Variants in SGCZ observed in about 807,000 individuals in gnomAD.
SGCZ encodes the protein sarcoglycan zeta.
SGCZ carries 40 observed loss-of-function variants against 41.3 expected under a neutral mutation model. That is an observed-to-expected ratio of 0.97 (90% CI 0.75 to 1.26). SGCZ has a LOEUF of 1.26. SGCZ is among the 50% of genes most tolerant of loss of function. SGCZ has a pLI of 0.00. For synonymous variants in SGCZ, 206 were observed against 137.5 expected, an observed-to-expected ratio of 1.50 and a Z score of -3.49; for missense variants, 552 against 369.8, an observed-to-expected ratio of 1.49 and a Z score of -4.04.
chr8:14,408,251 G>A (rs1290376906), intron 2 of SGCZ, among the ~76,000 whole-genome samples: 2 of 152,106 alleles, frequency 1.3e-5, no homozygotes, highest in Non-Finnish European at 2.9e-5. Flanking sequence ...TGCAGTTTTG[G>A]TCTTTGCAGA....
At chr8:14,645,658 C>T (rs1214496880) in intron 1 of SGCZ, among the ~76,000 whole-genome samples, 1 of 151,016 alleles carries the variant, frequency 6.6e-6, no homozygotes, top group Non-Finnish European at 1.5e-5. Context: ...ACTATTATAC[C>T]CCATACGCAC....
At chr8:14,324,461 C>A (rs116669876) in intron 2 of SGCZ, among the ~76,000 whole-genome samples, 1 of 152,058 alleles carries the variant, frequency 6.6e-6, no homozygotes, top group East Asian at 1.9e-4. Flanking sequence ...GATTTGCCCA[C>A]GAATAAATCC....
At chr8:14,606,399 A>T (rs769104047) in intron 1 of SGCZ, among the ~76,000 whole-genome samples, 5 of 152,140 alleles carry the variant, frequency 3.3e-5, no homozygotes, top group Non-Finnish European at 5.9e-5. Flanking sequence ...CAACAACACA[A>T]AACTTGATCT....
chr8:14,157,407 A>C (rs1160810666), intron 5 of SGCZ, among the ~76,000 whole-genome samples: 1 of 149,874 alleles, frequency 6.7e-6, no homozygotes, highest in Non-Finnish European at 1.5e-5. Flanking sequence ...CTCAGCCCAT[A>C]GAAGCATCTC....
intron 1 of SGCZ, among the ~76,000 whole-genome samples, chr8:15,160,671 CCACTT>C (rs1389530878): frequency 5.9e-5 from 9 of 152,192 alleles, no homozygotes; most frequent in African/African-American, 2.2e-4. Flanking sequence ...GCAGACATCT[CCACTT>C]AAGTGTTCAG....
chr8:14,346,682 CATT>C lies in SGCZ; in HGVS notation c.235-22481_235-22479del, dbSNP rs1802901287. Among the ~76,000 whole-genome samples the C allele has an allele frequency of 2.0e-5, 3 of 152,014 alleles. No individual in the cohort carries two copies. The South Asian group carries it at 6.2e-4, about 31-fold the overall frequency. On this transcript the variant is annotated intron_variant, in intron 2 of 7. Coordinates refer to ENST00000382080, the MANE Select transcript of SGCZ (RefSeq NM_139167.4). ...ACAAAATAAAACTGAAGCTGTTTTA[CATT>C]ATAAGGGAAGAATAATTTGAGTTGA...
chr8:14,551,927 C>T (rs1452091686), intron 2 of SGCZ, among the ~76,000 whole-genome samples: 1 of 151,400 alleles, frequency 6.6e-6, no homozygotes, highest in Non-Finnish European at 1.5e-5. Flanking sequence ...GCTATCCTTG[C>T]TATGCTAAAA....
intron 1 of SGCZ, among the ~76,000 whole-genome samples, chr8:15,129,008 C>A (rs1305973487): frequency 6.6e-6 from 1 of 152,196 alleles, no homozygotes. Context: ...TTTTGCTCAA[C>A]TTTTGAGACC....
chr8:14,355,196 A>T (rs1803249882), intron 2 of SGCZ, among the ~76,000 whole-genome samples: 1 of 152,092 alleles, frequency 6.6e-6, no homozygotes, highest in Non-Finnish European at 1.5e-5. Context: ...GGCCACAAGC[A>T]GATGTTTCAT....
At chr8:15,190,703 T>C (rs1395653980) in intron 1 of SGCZ, among the ~76,000 whole-genome samples, 1 of 148,846 alleles carries the variant, frequency 6.7e-6, no homozygotes, top group Non-Finnish European at 1.5e-5. Flanking sequence ...GCGTGTGTCG[T>C]GGGGGATGGG....
At chr8:14,458,583 G>C (rs993713543) in intron 2 of SGCZ, among the ~76,000 whole-genome samples, 2 of 152,124 alleles carry the variant, frequency 1.3e-5, no homozygotes, top group Non-Finnish European at 2.9e-5. Flanking sequence ...ATGGACTCTT[G>C]GTTTTAAAAA....
intron 2 of SGCZ, among the ~76,000 whole-genome samples, chr8:14,541,442 C>A (rs1563397360): frequency 1.3e-5 from 2 of 152,082 alleles, no homozygotes; most frequent in Non-Finnish European, 2.9e-5. Context: ...CAGCTTCCAG[C>A]TTCACCCATG....
At chr8:14,092,491 G>A (rs543207605) in intron 7 of SGCZ, among the ~76,000 whole-genome samples, 1 of 151,996 alleles carries the variant, frequency 6.6e-6, no homozygotes, top group South Asian at 2.1e-4. Flanking sequence ...AGCTGATATG[G>A]TTTGGCTGTG....
chr8:14,991,402 G>A (rs1802010022), intron 1 of SGCZ, among the ~76,000 whole-genome samples: 1 of 152,146 alleles, frequency 6.6e-6, no homozygotes, highest in Admixed American at 6.5e-5. Context: ...AACAAAATCT[G>A]CAAATGATGT....
At chr8:14,841,694 G>T (rs773629112) in intron 1 of SGCZ, among the ~76,000 whole-genome samples, 2 of 152,268 alleles carry the variant, frequency 1.3e-5, no homozygotes, top group East Asian at 1.9e-4. Context: ...CATACTAAAT[G>T]GAATTACTGT....
intron 3 of SGCZ, among the ~76,000 whole-genome samples, chr8:14,246,939 T>C (rs1386648701): frequency 6.6e-6 from 1 of 151,186 alleles, no homozygotes; most frequent in African/African-American, 2.4e-5. Flanking sequence ...AAAGTAAAAC[T>C]TTTATATTTG....
intron 1 of SGCZ, among the ~76,000 whole-genome samples, chr8:15,058,299 G>C (rs936999364): frequency 2.2e-4 from 33 of 152,092 alleles, no homozygotes; most frequent in African/African-American, 7.7e-4. Context: ...TGTTGAAAGA[G>C]AAGGTCCAAT....
At position 14,237,662 on chromosome 8, in the gene SGCZ, T is replaced by C. The variant is rs1330758643; in HGVS notation, c.354A>G (p.Leu118=). Residue 118 remains leucine (L), a synonymous_variant, in exon 4 of 8, where the codon TTA becomes TTG. Coordinates refer to ENST00000382080, the MANE Select transcript of SGCZ (RefSeq NM_139167.4). Reference sequence around the variant, plus strand: ...TCACTGTGACATTCCTGTCAGACTGTAAGACCAGCGGACTATCCTGGGAAA... The same window carrying C: ...TCACTGTGACATTCCTGTCAGACTGCAAGACCAGCGGACTATCCTGGGAAA... ...IHSRKDSPLV[L]QSDRNVTVNA... 2 of 1,613,846 alleles carry C rather than the reference T, an allele frequency of 1.2e-6. No individual in the cohort carries two copies. Among genetic ancestry groups the C allele is most frequent in the South Asian group, 2.2e-5 (2 of 91,072 alleles).
rs112494961 is a variant in SGCZ, at chr8:14,462,926, C to A, written c.234+91806G>T. On this transcript the variant is annotated intron_variant, in intron 2 of 7. Coordinates refer to ENST00000382080, the MANE Select transcript of SGCZ (RefSeq NM_139167.4). ...AATGTATCACCTCCTTGGTTAATTTCTATTTCATTATTTCTGATGCTATTG... is the reference window on the plus strand; with the variant it reads ...AATGTATCACCTCCTTGGTTAATTTATATTTCATTATTTCTGATGCTATTG... Among the ~76,000 whole-genome samples, 3 of 151,346 alleles carry A rather than the reference C, an allele frequency of 2.0e-5. 1 individual carries two copies. Among genetic ancestry groups the A allele is most frequent in the African/African-American group, 7.3e-5 (3 of 41,376 alleles).
Sources: gnomAD v4.1 joint callset for allele counts (sites outside exome capture counted in the v4.1 genomes callset) on GRCh38, gnomAD v4.1.1 for gene constraint, MANE v1.5 for transcripts, NCBI Gene and HGNC (gene_info 2026-07-23, HGNC 2026-07-21) for gene names.